Variants in SH3GL3 observed in about 807,000 individuals in gnomAD.
SH3GL3 encodes endophilin-A3.
A neutral mutation model predicts 47.7 loss-of-function variants in SH3GL3; 33 were observed. The ratio of observed to expected loss-of-function variants is 0.69; its 90% CI spans 0.52 to 0.92. The LOEUF (loss-of-function observed/expected upper bound fraction) is 0.92, where lower values mean the gene tolerates loss of function less well. SH3GL3 is among the 40% of genes least tolerant of loss of function. The probability of loss-of-function intolerance (pLI) is 0.00; values close to 1 mark genes in which losing one functional copy is unlikely to be tolerated. For synonymous variants in SH3GL3, 155 were observed against 148.8 expected (o/e 1.04, Z -0.30); for missense variants, 363 against 417.8 (o/e 0.87, Z 1.14).
intron 4 of SH3GL3, among the ~76,000 whole-genome samples, chr15:83,569,508 T>C (rs2045713580): frequency 6.6e-5 from 10 of 152,198 alleles, no homozygotes; most frequent in Admixed American, 6.5e-4. Flanking sequence ...TTGACATAAT[T>C]TAGATAACAT....
chr15:83,506,507 G>A (rs894568744), intron 1 of SH3GL3, among the ~76,000 whole-genome samples: 2 of 152,112 alleles, frequency 1.3e-5, no homozygotes, highest in Non-Finnish European at 2.9e-5. Context: ...GCTCCTGCAC[G>A]TTACTCTTGT....
At chr15:83,507,304 G>A (rs559926235) in intron 1 of SH3GL3, among the ~76,000 whole-genome samples, 127 of 151,880 alleles carry the variant, frequency 8.4e-4, no homozygotes, top group Non-Finnish European at 1.6e-3. Context: ...CACCGTGCCC[G>A]GCCTGTGTAC....
At chr15:83,619,531 A>G (rs902926644), downstream of SH3GL3, among the ~76,000 whole-genome samples, 2 of 152,188 alleles carry the variant, frequency 1.3e-5, no homozygotes, top group Admixed American at 1.3e-4. Flanking sequence ...TACCTATGTA[A>G]CAAACCTGCA....
At chr15:83,500,193 G>A (rs1404467979) in intron 1 of SH3GL3, among the ~76,000 whole-genome samples, 2 of 152,192 alleles carry the variant, frequency 1.3e-5, no homozygotes, top group Admixed American at 1.3e-4. Context: ...ATTTTATGGG[G>A]TAACCACAGC....
intron 1 of SH3GL3, among the ~76,000 whole-genome samples, chr15:83,504,514 T>A (rs1414469402): frequency 6.6e-6 from 1 of 152,232 alleles, no homozygotes; most frequent in African/African-American, 2.4e-5. Context: ...TTGCTCACTC[T>A]CTCATGGATG....
At chr15:83,598,601 G>A (rs939468574) in intron 8 of SH3GL3, among the ~76,000 whole-genome samples, 2 of 152,120 alleles carry the variant, frequency 1.3e-5, no homozygotes, top group African/African-American at 4.8e-5. Context: ...TATCTCACTG[G>A]TTGCATCTTT....
chr15:83,464,595 A>G (rs1168297855), intron 1 of SH3GL3, among the ~76,000 whole-genome samples: 3 of 152,150 alleles, frequency 2.0e-5, no homozygotes, highest in Non-Finnish European at 2.9e-5. Context: ...CTGTTTTTCT[A>G]CTTGTGATCT....
chr15:83,525,291 T>A (rs978163784), intron 1 of SH3GL3, among the ~76,000 whole-genome samples: 6 of 152,102 alleles, frequency 3.9e-5, no homozygotes, highest in African/African-American at 1.4e-4. Context: ...TTTAGCCACT[T>A]GTATATCTTC....
intron 2 of SH3GL3, among the ~76,000 whole-genome samples, chr15:83,564,238 AC>A (rs2045428550): frequency 6.6e-6 from 1 of 152,144 alleles, no homozygotes; most frequent in African/African-American, 2.4e-5. Context: ...CCAAATTTTA[AC>A]AAAAAAAAGA....
intron 1 of SH3GL3, among the ~76,000 whole-genome samples, chr15:83,456,685 CA>C (rs1793631831): frequency 6.9e-6 from 1 of 144,990 alleles, no homozygotes; most frequent in East Asian, 2.1e-4. Flanking sequence ...GGTGCGCACA[CA>C]CACTGGCCTG....
In SH3GL3 at chr15:83,490,611, C is replaced by T. The variant is rs1342938226; in HGVS notation, c.45+43033C>T. 3 of 578,864 alleles carry T rather than the reference C, an allele frequency of 5.2e-6. No individual in the cohort carries two copies. The African/African-American group carries it at 5.6e-5, about 11-fold the overall frequency. The allele number at this position is 578,864 out of a possible 1,614,324, so 35.9% of individuals were successfully genotyped here. ...GATGTCACAGTTGGCCCCCCTACAA[C>T]CTAGTTCAGCCTGGCACAGTATATG... On this transcript the variant is annotated intron_variant, in intron 1 of 8. Transcript: ENST00000427482.
intron 1 of SH3GL3, among the ~76,000 whole-genome samples, chr15:83,469,145 G>A (rs937847247): frequency 2.6e-5 from 4 of 151,984 alleles, no homozygotes; most frequent in Admixed American, 6.6e-5. Flanking sequence ...CCTTATTATT[G>A]TTTTGTTGTC....
At chr15:83,519,228 G>A (rs536515907) in intron 1 of SH3GL3, among the ~76,000 whole-genome samples, 2 of 152,278 alleles carry the variant, frequency 1.3e-5, no homozygotes, top group East Asian at 3.9e-4. Context: ...AGTTTGATAA[G>A]GATGGTGTTG....
intron 1 of SH3GL3, among the ~76,000 whole-genome samples, chr15:83,540,729 G>T (rs184046592): frequency 3.1e-4 from 47 of 152,144 alleles, no homozygotes; most frequent in African/African-American, 1.1e-3. Flanking sequence ...AATGTGTAAT[G>T]ATTGTCAGGG....
At chr15:83,573,538 C>T (rs1443829602) in intron 5 of SH3GL3, among the ~76,000 whole-genome samples, 1 of 152,204 alleles carries the variant, frequency 6.6e-6, no homozygotes, top group Non-Finnish European at 1.5e-5. Context: ...GATTCTGATG[C>T]ACGCTAATGT....
intron 1 of SH3GL3, among the ~76,000 whole-genome samples, chr15:83,521,948 G>A (rs1475908843): frequency 6.6e-6 from 1 of 152,082 alleles, no homozygotes; most frequent in African/African-American, 2.4e-5. Context: ...AATATCTGAG[G>A]TCTCATTCTC....
At chr15:83,475,339 C>T (rs186409193) in intron 1 of SH3GL3, among the ~76,000 whole-genome samples, 47 of 151,622 alleles carry the variant, frequency 3.1e-4, no homozygotes, top group African/African-American at 1.1e-3. Flanking sequence ...ATTAACCGGG[C>T]GGGGTGTTGC....
At chr15:83,572,477 C>A in intron 4 of SH3GL3, 88 bp from the exon 5 acceptor site, 1 of 1,147,770 alleles carries the variant, frequency 8.7e-7, no homozygotes, top group Non-Finnish European at 1.3e-6. Context: ...ATCATCCACA[C>A]ACTTTTGGTA....
At chr15:83,478,393 A>G (rs148318530) in intron 1 of SH3GL3, among the ~76,000 whole-genome samples, 1 of 152,208 alleles carries the variant, frequency 6.6e-6, no homozygotes, top group Admixed American at 6.5e-5. Flanking sequence ...GGCTGTCTGC[A>G]CTGGCACTTG....
Sources: allele counts gnomAD v4.1 joint callset (sites outside exome capture counted in the v4.1 genomes callset), GRCh38; gene constraint gnomAD v4.1.1; transcripts MANE v1.5; gene names NCBI Gene and HGNC (gene_info 2026-07-23, HGNC 2026-07-21).